Variants in GRID2IP observed in about 807,000 individuals in gnomAD.
GRID2IP encodes delphilin.
GRID2IP carries 78 observed loss-of-function variants against 114.3 expected under a neutral mutation model. That is an observed-to-expected ratio of 0.68 (90% confidence interval 0.57 to 0.82). The LOEUF is 0.82. Ranked by LOEUF, GRID2IP falls within the 40% of genes least tolerant of loss-of-function variation. GRID2IP has a pLI of 0.00. For missense variants in GRID2IP, 1,727 were observed against 1,678.5 expected (o/e 1.03, Z -0.51); for synonymous variants, 809 against 724.0 (o/e 1.12, Z -1.89).
rs186017987 is a variant in GRID2IP at position 6,539,976 on chromosome 7, G to T, written c.430-104C>A. On this transcript the variant is annotated intron_variant, in intron 1 of 21. Coordinates refer to ENST00000457091, the MANE Select transcript of GRID2IP (RefSeq NM_001145118.2). ...TCCCTCAGTTTACCTACACGGGATGGCTGACGTGGGCGTACCACCTGAGTG... is the reference window on the plus strand; with the variant it reads ...TCCCTCAGTTTACCTACACGGGATGTCTGACGTGGGCGTACCACCTGAGTG... 1.8e-4 allele frequency: 182 copies of T among 1,013,708 alleles called. 1 individual carries two copies. The East Asian group carries it at 4.2e-3, about 23-fold the overall frequency. The allele number at this position is 1,013,708 out of a possible 1,614,324, so 62.8% of individuals were successfully genotyped here.
chr7:6,504,647 GC>G, intron 15 of GRID2IP, 145 bp downstream of exon 15: 1 of 652,396 alleles, frequency 1.5e-6, no homozygotes, highest in Non-Finnish European at 2.7e-6. Context: ...TGGCTATGGG[GC>G]CTGGGAGGGG....
At position 6,506,824 on chromosome 7, in the gene GRID2IP, G is replaced by T. The variant is rs1786605736; in HGVS notation, c.2545-917C>A. 6.6e-6 allele frequency among the ~76,000 whole-genome samples: 1 copy of T among 152,026 alleles called. No homozygotes were observed. Among genetic ancestry groups the T allele is most frequent in the Non-Finnish European group, 1.5e-5 (1 of 68,024 alleles). On this transcript the variant is annotated intron_variant, in intron 13 of 21. Transcript: ENST00000457091. The surrounding 1 kb of genome is among the most constrained non-coding windows in gnomAD (Gnocchi z 5.2). ...AGCCTCCCGAGTAGCTGGGACCACA[G>T]GCATGCACCACCAGGTCTGGCTAAC...
rs1410594129 is a variant in GRID2IP at position 6,526,668 on chromosome 7, C to T, written c.686G>A (p.Arg229Gln). The T allele has an allele frequency of 2.1e-6, 3 of 1,461,960 alleles. No individual in the cohort carries two copies. The highest frequency in any genetic ancestry group is 2.7e-6 in the Non-Finnish European group (3 of 1,109,694). 90.6% of individuals were successfully genotyped at this position (1,461,960 alleles called of 1,614,324 possible). The change falls in exon 3 of 22, where the codon CGA becomes CAA. Residue 229 changes from arginine to glutamine, a missense_variant. Physicochemically the swap from Arg to Gln is conservative, Grantham distance 43. Transcript: ENST00000457091. The surrounding 1 kb of genome is among the most constrained non-coding windows in gnomAD (Gnocchi z 7.6). ...CTCCTCGCTGCGGCTCCGGCGCAGT[C>T]GCTGCGCGCCCTGGGCCCGGCGTGC... ...CRARRAQGAQ[R>Q]LRRSRSEERP...
chr7:6,531,190 C>A (rs943186905), intron 2 of GRID2IP: 4 of 461,124 alleles, frequency 8.7e-6, no homozygotes, highest in Non-Finnish European at 1.2e-5. Flanking sequence ...CGACTCCACG[C>A]ACCTCTGCCC....
At chr7:6,533,966 A>G (rs1216389290) in intron 2 of GRID2IP, among the ~76,000 whole-genome samples, 1 of 152,134 alleles carries the variant, frequency 6.6e-6, no homozygotes, top group Admixed American at 6.6e-5. Flanking sequence ...ACTCTATATT[A>G]TGGTGTTCAT....
In GRID2IP at chr7:6,528,271, A is replaced by G. The variant is rs1779554598; in HGVS notation, c.585-1502T>C. On this transcript the variant is annotated intron_variant, in intron 2 of 21. Coordinates refer to ENST00000457091, the MANE Select transcript of GRID2IP (RefSeq NM_001145118.2). The surrounding 1 kb of genome is among the most constrained non-coding windows in gnomAD (Gnocchi z 6.0). ...GACTAGCCAGGGCTCAGCACATAGG[A>G]GAGACTCAGTCAACAGGAGATCCAC... Among the ~76,000 whole-genome samples, 1 of 152,088 alleles carries G rather than the reference A, an allele frequency of 6.6e-6. No homozygotes were observed. The highest frequency in any genetic ancestry group is 1.5e-5 in the Non-Finnish European group (1 of 68,024).
Position 6,526,413 on chromosome 7 carries a change from T to C in GRID2IP, c.834-104A>G. 1 of 1,508,444 alleles carries C rather than the reference T, an allele frequency of 6.6e-7. No homozygotes were observed. The highest frequency in any genetic ancestry group is 8.9e-7 in the Non-Finnish European group (1 of 1,120,360). The allele number at this position is 1,508,444 out of a possible 1,614,324, so 93.4% of individuals were successfully genotyped here. On this transcript the variant is annotated intron_variant, in intron 3 of 21. Transcript: ENST00000457091. This position sits in a 1 kb window ranked among gnomAD's most constrained non-coding sequence, Gnocchi z 7.6. The stretch of plus-strand genomic sequence containing the variant: ...TCTCCCCTTAACCTCTCCGGCCCCC[T>C]ATGCACCCCAGATGCCCAGCCCCGC...
rs1779411357 is a variant in GRID2IP, at chr7:6,521,514, G to A, written c.999C>T (p.Ser333=). Reference sequence around the variant, plus strand: ...GCAGCATGGACACCACCTTGTCGTGGGAGCAGTTCCTGCCAAGCAGAGATG... The same window carrying A: ...GCAGCATGGACACCACCTTGTCGTGAGAGCAGTTCCTGCCAAGCAGAGATG... ...FLNGLDMRNC[S]HDKVVSMLQG... Residue 333 remains serine, a synonymous_variant, in exon 6 of 22, where the codon TCC becomes TCT. Transcript: ENST00000457091. This position sits in a 1 kb window ranked among gnomAD's most constrained non-coding sequence, Gnocchi z 4.1. 6.5e-7 allele frequency: 1 copy of A among 1,545,730 alleles called. No homozygotes were observed. Among genetic ancestry groups the A allele is most frequent in the Non-Finnish European group, 8.7e-7 (1 of 1,144,104 alleles).
Position 6,520,500 on chromosome 7 carries a change from G to A in GRID2IP, c.1268+78C>T. Reference sequence around the variant, plus strand: ...GAACGGGACTGAGGAGGTTCAGGCAGGGAGACTGGGATGTGAGTCTAGGCA... The same window carrying A: ...GAACGGGACTGAGGAGGTTCAGGCAAGGAGACTGGGATGTGAGTCTAGGCA... On this transcript the variant is annotated intron_variant, in intron 7 of 21. Transcript: ENST00000457091. The surrounding 1 kb of genome is among the most constrained non-coding windows in gnomAD (Gnocchi z 4.6). 2.8e-6 allele frequency: 4 copies of A among 1,412,282 alleles called. No individual in the cohort carries two copies. The highest frequency in any genetic ancestry group is 3.8e-6 in the Non-Finnish European group (4 of 1,043,720). 87.5% of individuals were successfully genotyped at this position (1,412,282 alleles called of 1,614,324 possible). A position where few individuals can be genotyped will look rare whatever the true frequency, so the allele number is the denominator to read the frequency against.
rs781471310 is a variant in GRID2IP at position 6,539,887 on chromosome 7, C to T, written c.430-15G>A. Reference sequence around the variant, plus strand: ...ATTTCATCCACCTGCAAGGAGGAGTCCTGTGAATGACCAAAAGGGATCCAG... The same window carrying T: ...ATTTCATCCACCTGCAAGGAGGAGTTCTGTGAATGACCAAAAGGGATCCAG... On this transcript the variant is annotated splice_polypyrimidine_tract_variant and intron_variant, in intron 1 of 21. Transcript: ENST00000457091. 62 of 1,547,696 alleles carry T rather than the reference C, an allele frequency of 4.0e-5. No homozygotes were observed. The highest frequency in any genetic ancestry group is 1.7e-4 in the Middle Eastern group (1 of 5,950).
rs1177536469 is a variant in GRID2IP at position 6,528,326 on chromosome 7, G to A, written c.585-1557C>T. On this transcript the variant is annotated intron_variant, in intron 2 of 21. Coordinates refer to ENST00000457091, the MANE Select transcript of GRID2IP (RefSeq NM_001145118.2). This position sits in a 1 kb window ranked among gnomAD's most constrained non-coding sequence, Gnocchi z 6.0. ...AGCCTAACCCCATCTCTGAGTAATG[G>A]CAGCAGTTAACATCCTGATGGACTC... is the stretch of plus-strand genomic sequence containing the variant. Among the ~76,000 whole-genome samples, 1 of 152,204 alleles carries A rather than the reference G, an allele frequency of 6.6e-6. No homozygotes were observed. The highest frequency in any genetic ancestry group is 1.5e-5 in the Non-Finnish European group (1 of 68,040).
rs1779388546 is a variant in GRID2IP, at chr7:6,520,310, T to C, written c.1268+268A>G. ...CATCTCAAAAAAAAAAAATAGAATGTTGCAGGTGGTTCCTGTCTGCCTCAC... is the reference window on the plus strand; with the variant it reads ...CATCTCAAAAAAAAAAAATAGAATGCTGCAGGTGGTTCCTGTCTGCCTCAC... On this transcript the variant is annotated intron_variant, in intron 7 of 21. Transcript: ENST00000457091. This position sits in a 1 kb window ranked among gnomAD's most constrained non-coding sequence, Gnocchi z 4.6. Among the ~76,000 whole-genome samples the C allele has an allele frequency of 6.6e-6, 1 of 150,810 alleles. No homozygotes were observed. Among genetic ancestry groups the C allele is most frequent in the South Asian group, 2.1e-4 (1 of 4,790 alleles).
At position 6,521,052 on chromosome 7, in the gene GRID2IP, C is replaced by G. The variant is rs1779402376; in HGVS notation, c.1085-291G>C. On this transcript the variant is annotated intron_variant, in intron 6 of 21. Coordinates refer to ENST00000457091, the MANE Select transcript of GRID2IP (RefSeq NM_001145118.2). This position sits in a 1 kb window ranked among gnomAD's most constrained non-coding sequence, Gnocchi z 4.1. ...ATGGCGTGATCTCGGCTCACTGCAA[C>G]CTCCGCTTCCTGGGTTCAAGTGATT... is the stretch of plus-strand genomic sequence containing the variant. Among the ~76,000 whole-genome samples, 1 of 152,188 alleles carries G rather than the reference C, an allele frequency of 6.6e-6. No individual in the cohort carries two copies.
At chr7:6,524,663 T>C (rs1779475030) in intron 4 of GRID2IP, among the ~76,000 whole-genome samples, 1 of 151,882 alleles carries the variant, frequency 6.6e-6, no homozygotes, top group Non-Finnish European at 1.5e-5. Context: ...GAGGCTACAG[T>C]GGGCCATGAT....
Position 6,509,706 on chromosome 7 carries a change from TCTGAGCTG to T in GRID2IP, c.1772-401_1772-394del, listed in dbSNP as rs2115364843. On this transcript the variant is annotated intron_variant, in intron 11 of 21. Coordinates refer to ENST00000457091, the MANE Select transcript of GRID2IP (RefSeq NM_001145118.2). The surrounding 1 kb of genome is among the most constrained non-coding windows in gnomAD (Gnocchi z 4.9). ...GGAGGGCCTCCCAGGGCTCCTGCCT[TCTGAGCTG>T]CAGAGCAACTGTCTTCCCAGCTGTG... 6.6e-6 allele frequency among the ~76,000 whole-genome samples: 1 copy of T among 152,334 alleles called. No individual in the cohort carries two copies. Among genetic ancestry groups the T allele is most frequent in the South Asian group, 2.1e-4 (1 of 4,832 alleles).
chr7:6,501,127 G>C (rs1017677820), intron 20 of GRID2IP, among the ~76,000 whole-genome samples: 3 of 152,208 alleles, frequency 2.0e-5, no homozygotes, highest in African/African-American at 4.8e-5. Flanking sequence ...GAGGCAGGTA[G>C]ATCACCTGAG....
Position 6,498,226 on chromosome 7 carries a change from G to A in GRID2IP, c.3402C>T (p.Ser1134=). 1 of 1,539,598 alleles carries A rather than the reference G, an allele frequency of 6.5e-7. No homozygotes were observed. Among genetic ancestry groups the A allele is most frequent in the Non-Finnish European group, 8.8e-7 (1 of 1,142,592 alleles). The change falls in exon 21 of 22, where the codon TCC becomes TCT. Residue 1134 remains serine (S), a splice_region_variant and synonymous_variant. Coordinates refer to ENST00000457091, the MANE Select transcript of GRID2IP (RefSeq NM_001145118.2). ...SEDKFAMVMS[S]FLETAQPALR... is the part of the protein sequence containing the mutation. ...GTGCTGGCTGGGCCGTCTCCAGGAAGGACTGACAGGCCTCAGTTAAGGAAA... is the reference window on the plus strand; with the variant it reads ...GTGCTGGCTGGGCCGTCTCCAGGAAAGACTGACAGGCCTCAGTTAAGGAAA...
In GRID2IP at chr7:6,528,618, C is replaced by T. The variant is rs1779560268; in HGVS notation, c.585-1849G>A. 6.6e-6 allele frequency among the ~76,000 whole-genome samples: 1 copy of T among 152,202 alleles called. No homozygotes were observed. Among genetic ancestry groups the T allele is most frequent in the South Asian group, 2.1e-4 (1 of 4,832 alleles). On this transcript the variant is annotated intron_variant, in intron 2 of 21. Transcript: ENST00000457091. This position sits in a 1 kb window ranked among gnomAD's most constrained non-coding sequence, Gnocchi z 6.0. ...AAGGGAGAAGGGATCAGTGGCCTTG[C>T]AGCTGAAAGACAAACCCCTCTGAGG...
intron 20 of GRID2IP, among the ~76,000 whole-genome samples, chr7:6,499,224 C>T (rs1008382794): frequency 9.2e-5 from 14 of 152,274 alleles, no homozygotes; most frequent in South Asian, 2.1e-4. Context: ...GCCTGAGCCA[C>T]GGTTGAACCC....
Sources: gnomAD v4.1 joint callset for allele counts (sites outside exome capture counted in the v4.1 genomes callset) on GRCh38, gnomAD v4.1.1 for gene constraint, Gnocchi (gnomAD v3.1) non-coding constraint, MANE v1.5 for transcripts, NCBI Gene and HGNC (gene_info 2026-07-23, HGNC 2026-07-21) for gene names.